Variants in ESRP1 observed in about 807,000 individuals in gnomAD.
ESRP1 encodes the protein RNA-binding motif protein 35A.
ESRP1 carries 33 observed loss-of-function variants against 81.7 expected under a neutral mutation model. The observed-to-expected ratio is 0.40, with a 90% CI of 0.31 to 0.54. ESRP1 has a LOEUF of 0.54. Ranked by LOEUF, ESRP1 falls within the 20% of genes least tolerant of loss-of-function variation. ESRP1 has a pLI of 0.41. For synonymous variants in ESRP1, 320 were observed against 303.3 expected (o/e 1.06, Z -0.57); for missense variants, 672 against 833.1 (o/e 0.81, Z 2.38).
At chr8:94,684,926 G>A (rs1319984449) in intron 13 of ESRP1, among the ~76,000 whole-genome samples, 2 of 151,932 alleles carry the variant, frequency 1.3e-5, no homozygotes, top group African/African-American at 4.8e-5. Flanking sequence ...CTACCTGGGA[G>A]GCTGAGGCTA....
At chr8:94,702,505 A>G (rs1809879479) in intron 15 of ESRP1, among the ~76,000 whole-genome samples, 1 of 152,242 alleles carries the variant, frequency 6.6e-6, no homozygotes, top group South Asian at 2.1e-4. Context: ...CTTGTGTAAG[A>G]TGATTAAAAA....
At position 94,692,730 on chromosome 8, in the gene ESRP1, G is replaced by T; in HGVS notation, c.1874G>T (p.Ser625Ile). ...TACTTCCCTACAGCTGCTAATCTTA[G>T]CGGTGTCCCTCCACAGCCTGGCACG... Reference protein sequence around the residue: ...LGYFPTAANLSGVPPQPGTVV... With the variant: ...LGYFPTAANLIGVPPQPGTVV... Residue 625 changes from serine (S) to isoleucine (I), a missense_variant, in exon 14 of 16, where the codon AGC becomes ATC. Coordinates refer to ENST00000433389, the MANE Select transcript of ESRP1 (RefSeq NM_017697.4). 1.2e-6 allele frequency: 2 copies of T among 1,613,874 alleles called. No homozygotes were observed. The highest frequency in any genetic ancestry group is 1.7e-6 in the Non-Finnish European group (2 of 1,179,872).
intron 4 of ESRP1, 59 bp downstream of exon 4, chr8:94,646,341 T>G: frequency 8.6e-7 from 1 of 1,156,976 alleles, no homozygotes; most frequent in Non-Finnish European, 1.2e-6. Flanking sequence ...AAAAGGTAAT[T>G]CAAGAAACTT....
chr8:94,698,630 G>T lies in ESRP1; in HGVS notation c.*35+1669G>T, dbSNP rs376448532. On this transcript the variant is annotated intron_variant, in intron 15 of 15. Coordinates refer to ENST00000433389, the MANE Select transcript of ESRP1 (RefSeq NM_017697.4). ...GGCTTCTTGGGAGATGTAGTTGTAG[G>T]GATGTATTTGGGAATTGATACTGGT... is the stretch of plus-strand genomic sequence containing the variant. Among the ~76,000 whole-genome samples, 17 of 152,220 alleles carry T rather than the reference G, an allele frequency of 1.1e-4. No individual in the cohort carries two copies. The East Asian group carries it at 2.3e-3, about 21-fold the overall frequency.
intron 11 of ESRP1, 63 bp downstream of exon 11, chr8:94,671,734 A>T: frequency 2.0e-6 from 2 of 996,838 alleles, no homozygotes; most frequent in South Asian, 3.9e-5. Context: ...GAAATATCTA[A>T]TATTAGATAT....
At chr8:94,690,276 A>ATTTTTTTTTTTTTT (rs373440584) in intron 13 of ESRP1, among the ~76,000 whole-genome samples, 4 of 61,366 alleles carry the variant, frequency 6.5e-5, no homozygotes, top group Non-Finnish European at 9.0e-5. Flanking sequence ...TGCCTGGCTA[A>ATTTTTTTTTTTTTT]TTTTTTTTTT....
At chr8:94,664,574 T>C in intron 6 of ESRP1, 123 bp from the exon 7 acceptor site, 1 of 691,668 alleles carries the variant, frequency 1.4e-6, no homozygotes, top group Non-Finnish European at 2.5e-6. Flanking sequence ...CAAGTAGTAT[T>C]GCTAGTCTGT....
At chr8:94,676,923 C>CG (rs1056721310) in intron 12 of ESRP1, among the ~76,000 whole-genome samples, 2 of 151,956 alleles carry the variant, frequency 1.3e-5, no homozygotes, top group African/African-American at 4.8e-5. Context: ...GAGGCCAAGG[C>CG]GGGCAGATCA....
Position 94,674,723 on chromosome 8 carries a change from T to C in ESRP1, c.1651+217T>C, listed in dbSNP as rs554692686. On this transcript the variant is annotated intron_variant, in intron 12 of 15. Coordinates refer to ENST00000433389, the MANE Select transcript of ESRP1 (RefSeq NM_017697.4). ...GCTACAAATACCTCCTTTCAAATTA[T>C]ATTCCTGCTTTTCCAGTGATAAGCA... is the stretch of plus-strand genomic sequence containing the variant. Among the ~76,000 whole-genome samples the C allele has an allele frequency of 8.5e-5, 13 of 152,346 alleles. No individual in the cohort carries two copies. In the South Asian group the frequency reaches 2.7e-3, roughly 32 times the overall value.
chr8:94,661,745 T>C (rs1272562712), intron 4 of ESRP1, among the ~76,000 whole-genome samples: 2 of 152,194 alleles, frequency 1.3e-5, no homozygotes, highest in Non-Finnish European at 2.9e-5. Context: ...AGGTGGACTA[T>C]CCTACAGGGC....
intron 12 of ESRP1, among the ~76,000 whole-genome samples, chr8:94,675,407 T>C (rs948529267): frequency 1.3e-5 from 2 of 152,238 alleles, no homozygotes; most frequent in African/African-American, 4.8e-5. Flanking sequence ...GGACCTATAC[T>C]AATGATCTTG....
At chr8:94,649,710 A>G (rs572397664) in intron 4 of ESRP1, 3 of 152,144 alleles carry the variant, frequency 2.0e-5, no homozygotes, top group African/African-American at 7.2e-5. Context: ...ATGGGGTTTC[A>G]CCATGTTGGC....
chr8:94,651,587 G>T (rs987757249), intron 4 of ESRP1, among the ~76,000 whole-genome samples: 5 of 151,778 alleles, frequency 3.3e-5, no homozygotes, highest in Non-Finnish European at 7.4e-5. Flanking sequence ...GAAAAAGTAG[G>T]ACCATTTTGA....
At position 94,662,286 on chromosome 8, in the gene ESRP1, A is replaced by G; in HGVS notation, c.505A>G (p.Lys169Glu). The G allele has an allele frequency of 6.4e-7, 1 of 1,566,696 alleles. No individual in the cohort carries two copies. The highest frequency in any genetic ancestry group is 1.2e-5 in the South Asian group (1 of 83,746). The change falls in exon 5 of 16, where the codon AAG becomes GAG. Residue 169 changes from lysine to glutamate, a missense_variant. Transcript: ENST00000433389. ...TAATCTCACAGATTTAAATTTTGAG[A>G]AGAGTAGTTCAGTCTCTCGATATGG... ...ATMTEYLNFEKSSSVSRYGAS... is the reference protein window; with the variant it reads ...ATMTEYLNFEESSSVSRYGAS...
chr8:94,657,322 C>G (rs1322422838), intron 4 of ESRP1, among the ~76,000 whole-genome samples: 3 of 152,218 alleles, frequency 2.0e-5, no homozygotes, highest in Non-Finnish European at 4.4e-5. Context: ...TCCTCAAGAT[C>G]AGACGTGCAG....
intron 15 of ESRP1, among the ~76,000 whole-genome samples, chr8:94,699,810 GAAAC>G (rs1809747704): frequency 6.6e-6 from 1 of 152,088 alleles, no homozygotes; most frequent in Non-Finnish European, 1.5e-5. Flanking sequence ...TCACCACCCA[GAAAC>G]AAGCATAATA....
chr8:94,668,524 G>A (rs771150460), intron 10 of ESRP1, among the ~76,000 whole-genome samples: 1 of 152,094 alleles, frequency 6.6e-6, no homozygotes, highest in Non-Finnish European at 1.5e-5. Context: ...ACCTATGTCT[G>A]AAAAGTTTCA....
At chr8:94,642,744 G>C (rs1156547060) in intron 2 of ESRP1, among the ~76,000 whole-genome samples, 1 of 152,144 alleles carries the variant, frequency 6.6e-6, no homozygotes, top group Non-Finnish European at 1.5e-5. Flanking sequence ...GGGTGCTGAC[G>C]GGTGCCGGAT....
chr8:94,702,846 C>G (rs1172468487), intron 15 of ESRP1, among the ~76,000 whole-genome samples: 1 of 152,160 alleles, frequency 6.6e-6, no homozygotes, highest in Non-Finnish European at 1.5e-5. Flanking sequence ...TCCACCATGC[C>G]TGGCTGTAGA....
Sources: gnomAD v4.1 joint callset for allele counts (sites outside exome capture counted in the v4.1 genomes callset) on GRCh38, gnomAD v4.1.1 for gene constraint, MANE v1.5 for transcripts, NCBI Gene and HGNC (gene_info 2026-07-23, HGNC 2026-07-21) for gene names.